Variants in FAR2 observed in about 807,000 individuals in gnomAD.
FAR2 encodes the protein fatty acyl-CoA reductase 2, also known as epididymis secretory protein Li 81.
In FAR2, 19 loss-of-function variants were observed where a neutral mutation model predicts 56.0. That is an observed-to-expected ratio of 0.34 (90% CI 0.24 to 0.50). The LOEUF is 0.50. Among genes scored for constraint, FAR2 ranks in the 20% least tolerant of loss-of-function variants. The pLI is 0.98. For missense variants in FAR2, 508 were observed against 642.2 expected, an observed-to-expected ratio of 0.79 and a Z score of 2.26; for synonymous variants, 219 against 218.8, an observed-to-expected ratio of 1.00 and a Z score of -0.01.
At chr12:29,227,416 C>G (rs1160354548) in intron 1 of FAR2, among the ~76,000 whole-genome samples, 1 of 152,166 alleles carries the variant, frequency 6.6e-6, no homozygotes. Context: ...CTCTTTGACT[C>G]CTAACAACAG....
chr12:29,155,218 C>T (rs1414276091), intron 1 of FAR2, among the ~76,000 whole-genome samples: 1 of 152,162 alleles, frequency 6.6e-6, no homozygotes, highest in Non-Finnish European at 1.5e-5. Context: ...GGGAAGACTC[C>T]CCAGGGCCTC....
In FAR2 at chr12:29,316,991, G is replaced by A. The variant is rs774156957; in HGVS notation, c.1106G>A (p.Arg369Gln). The A allele has an allele frequency of 1.6e-5, 26 of 1,613,242 alleles. No individual in the cohort carries two copies. The Middle Eastern group carries it at 4.9e-4, about 31-fold the overall frequency. Residue 369 changes from arginine (R) to glutamine (Q), a missense_variant, in exon 9 of 12, where the codon CGG (arginine) becomes CAG (glutamine). Coordinates refer to ENST00000536681, the MANE Select transcript of FAR2 (RefSeq NM_001271783.2). ...APAIIYDCYL[R>Q]LTGRKPRMTK... ...GCCATTATCTATGACTGCTATCTGCGGCTCACTGGAAGGAAGCCCAGGTGA... is the reference window on the plus strand; with the variant it reads ...GCCATTATCTATGACTGCTATCTGCAGCTCACTGGAAGGAAGCCCAGGTGA...
chr12:29,173,988 A>T (rs915780570), intron 1 of FAR2, among the ~76,000 whole-genome samples: 6 of 152,136 alleles, frequency 3.9e-5, no homozygotes, highest in Non-Finnish European at 8.8e-5. Flanking sequence ...CCTTACTGAC[A>T]CATTCTCGAA....
rs1949781535 is a variant in FAR2, at chr12:29,335,449, G to C, written c.*1655G>C. 6.6e-6 allele frequency: 1 copy of C among 152,114 alleles called. No individual in the cohort carries two copies. The highest frequency in any genetic ancestry group is 2.4e-5 in the African/African-American group (1 of 41,414). The allele number at this position is 152,114 out of a possible 1,614,324, so 9.4% of individuals were successfully genotyped here. Reference sequence around the variant, plus strand: ...TATATCAATTAAGATACAAGCTATAGACATGATAAAAATATGAAATCAAGA... The same window carrying C: ...TATATCAATTAAGATACAAGCTATACACATGATAAAAATATGAAATCAAGA... On this transcript the variant is annotated 3_prime_UTR_variant, in exon 12 of 12. Coordinates refer to ENST00000536681, the MANE Select transcript of FAR2 (RefSeq NM_001271783.2).
chr12:29,218,718 CA>C (rs200242804), intron 1 of FAR2, among the ~76,000 whole-genome samples: 6,569 of 151,612 alleles, frequency 0.043, 358 homozygotes, highest in African/African-American at 0.13. Context: ...GACTGTAAAA[CA>C]AAAATACAGA....
intron 1 of FAR2, among the ~76,000 whole-genome samples, chr12:29,237,131 G>A (rs1013671547): frequency 2.0e-5 from 3 of 151,966 alleles, no homozygotes; most frequent in South Asian, 2.1e-4. Flanking sequence ...AAACTGAAAC[G>A]CATTGTTAGA....
At chr12:29,195,483 AGTAAT>A (rs1950137048) in intron 1 of FAR2, among the ~76,000 whole-genome samples, 1 of 152,210 alleles carries the variant, frequency 6.6e-6, no homozygotes, top group African/African-American at 2.4e-5. Context: ...GAAAATTCCT[AGTAAT>A]AATTATGTGA....
chr12:29,261,555 T>C (rs754424737), intron 1 of FAR2, among the ~76,000 whole-genome samples: 5 of 152,070 alleles, frequency 3.3e-5, no homozygotes, highest in Non-Finnish European at 5.9e-5. Context: ...GATACCAATA[T>C]CCAAGTATAA....
At chr12:29,196,939 A>C (rs1350512466) in intron 1 of FAR2, among the ~76,000 whole-genome samples, 1 of 152,182 alleles carries the variant, frequency 6.6e-6, no homozygotes, top group African/African-American at 2.4e-5. Context: ...TCTCATTAAA[A>C]AGTAAACTGT....
At chr12:29,298,857 C>G (rs1490616620) in intron 4 of FAR2, among the ~76,000 whole-genome samples, 1 of 152,116 alleles carries the variant, frequency 6.6e-6, no homozygotes, top group Non-Finnish European at 1.5e-5. Context: ...GCTGATCTCT[C>G]TAACACCTGA....
At chr12:29,179,320 G>A (rs1949970061) in intron 1 of FAR2, among the ~76,000 whole-genome samples, 2 of 152,206 alleles carry the variant, frequency 1.3e-5, no homozygotes, top group African/African-American at 4.8e-5. Context: ...GGAGGAAAGA[G>A]CAAGGACACT....
chr12:29,254,999 T>C (rs1008214289), intron 1 of FAR2, among the ~76,000 whole-genome samples: 1 of 151,394 alleles, frequency 6.6e-6, no homozygotes, highest in Non-Finnish European at 1.5e-5. Context: ...TTGATATCAA[T>C]GATTGTGATG....
At chr12:29,210,166 A>T (rs1238780594) in intron 1 of FAR2, among the ~76,000 whole-genome samples, 1 of 152,178 alleles carries the variant, frequency 6.6e-6, no homozygotes, top group Non-Finnish European at 1.5e-5. Flanking sequence ...GGATCATGCC[A>T]CTGCACTCCA....
chr12:29,228,290 C>T (rs559703467), intron 1 of FAR2, among the ~76,000 whole-genome samples: 1 of 152,168 alleles, frequency 6.6e-6, no homozygotes, highest in East Asian at 1.9e-4. Flanking sequence ...ACAACAACAA[C>T]AAAAAGTCAG....
intron 2 of FAR2, among the ~76,000 whole-genome samples, chr12:29,273,581 C>A (rs1397873104): frequency 6.6e-6 from 1 of 152,220 alleles, no homozygotes; most frequent in Non-Finnish European, 1.5e-5. Flanking sequence ...GGGAGCTTAG[C>A]CTGTTAGGCA....
intron 1 of FAR2, among the ~76,000 whole-genome samples, chr12:29,170,401 A>G (rs576188821): frequency 2.6e-5 from 4 of 152,334 alleles, no homozygotes; most frequent in Admixed American, 2.6e-4. Context: ...CAGTGGCCTC[A>G]GTGCTTTCGG....
intron 1 of FAR2, among the ~76,000 whole-genome samples, chr12:29,168,515 T>C (rs1949852943): frequency 6.6e-6 from 1 of 152,230 alleles, no homozygotes; most frequent in Admixed American, 6.5e-5. Flanking sequence ...TAATTTAGTA[T>C]TCATCTTGTG....
At chr12:29,224,087 T>C (rs1947730283) in intron 1 of FAR2, among the ~76,000 whole-genome samples, 2 of 152,208 alleles carry the variant, frequency 1.3e-5, no homozygotes, top group African/African-American at 2.4e-5. Context: ...TGAAGCAGAA[T>C]CAAGAAATCT....
chr12:29,156,133 G>A (rs114910138), intron 1 of FAR2, among the ~76,000 whole-genome samples: 2,210 of 152,102 alleles, frequency 0.015, 32 homozygotes, highest in African/African-American at 0.045. Context: ...CTGGTCAAAG[G>A]GTTCAAATTT....
Sources: allele counts gnomAD v4.1 joint callset (sites outside exome capture counted in the v4.1 genomes callset), GRCh38; gene constraint gnomAD v4.1.1; transcripts MANE v1.5; gene names NCBI Gene and HGNC (gene_info 2026-07-23, HGNC 2026-07-21).